SEMA5A: variants seen among roughly 807,000 people sequenced by gnomAD.
SEMA5A encodes semaphorin 5A.
Under a neutral mutation model 135.5 loss-of-function variants are expected in SEMA5A, and 55 were observed. That is an observed-to-expected ratio of 0.41 (90% CI 0.33 to 0.51). SEMA5A has a LOEUF of 0.51. Among genes scored for constraint, SEMA5A ranks in the 20% least tolerant of loss-of-function variants. SEMA5A has a pLI of 0.37. For missense variants in SEMA5A, 1,290 were observed against 1,419.9 expected, an observed-to-expected ratio of 0.91 and a Z score of 1.47; for synonymous variants, 580 against 546.5, an observed-to-expected ratio of 1.06 and a Z score of -0.85.
At chr5:9,140,874 C>T (rs562107000) in intron 12 of SEMA5A, among the ~76,000 whole-genome samples, 3 of 152,112 alleles carry the variant, frequency 2.0e-5, no homozygotes, top group East Asian at 1.9e-4. Flanking sequence ...GGGCTCCTCA[C>T]GTTTACCCCA....
In SEMA5A at chr5:9,477,113, TTCTCTC is replaced by T. The variant is rs145236684; in HGVS notation, c.-174-39267_-174-39262del. 2.3e-3 allele frequency among the ~76,000 whole-genome samples: 341 copies of T among 148,688 alleles called. 2 individuals carry two copies. The highest frequency in any genetic ancestry group is 8.2e-3 in the African/African-American group (333 of 40,734). ...AAAGTGTGATTCTTTCTCCTTCTCA[TTCTCTC>T]TCTCTCTCTCTCTCACCACCATGTA... On this transcript the variant is annotated intron_variant, in intron 1 of 22. Transcript: ENST00000382496.
intron 5 of SEMA5A, among the ~76,000 whole-genome samples, chr5:9,275,371 A>G (rs1198961079): frequency 6.6e-6 from 1 of 152,198 alleles, no homozygotes; most frequent in Non-Finnish European, 1.5e-5. Flanking sequence ...GTCCGGGACC[A>G]GATGGACTCC....
chr5:9,110,403 T>A (rs1234288427), intron 15 of SEMA5A, among the ~76,000 whole-genome samples: 1 of 152,074 alleles, frequency 6.6e-6, no homozygotes. Flanking sequence ...GAAGAGCCCA[T>A]AGAACAAACA....
chr5:9,257,597 T>TA (rs34130964), intron 5 of SEMA5A, among the ~76,000 whole-genome samples: 42,145 of 149,148 alleles, frequency 0.28, 6,781 homozygotes, highest in Non-Finnish European at 0.38. Flanking sequence ...TATTTTGCTC[T>TA]AAAAAAAAAA....
chr5:9,522,318 C>T (rs1168296456), intron 1 of SEMA5A, among the ~76,000 whole-genome samples: 2 of 152,190 alleles, frequency 1.3e-5, no homozygotes, highest in East Asian at 3.9e-4. Context: ...AACGGTGGCT[C>T]ACACCTGTAA....
chr5:9,311,138 T>G (rs947503264), intron 5 of SEMA5A, among the ~76,000 whole-genome samples: 3 of 80,548 alleles, frequency 3.7e-5, no homozygotes, highest in Non-Finnish European at 1.2e-4. Flanking sequence ...CAGGTAAATT[T>G]CGCTCAACGG....
chr5:9,247,473 C>G (rs1433982220), intron 5 of SEMA5A, among the ~76,000 whole-genome samples: 1 of 152,146 alleles, frequency 6.6e-6, no homozygotes, highest in Non-Finnish European at 1.5e-5. Flanking sequence ...TGATTACTTT[C>G]TCTAGAGTTC....
At chr5:9,269,680 G>T (rs1205425396) in intron 5 of SEMA5A, among the ~76,000 whole-genome samples, 1 of 152,052 alleles carries the variant, frequency 6.6e-6, no homozygotes, top group Non-Finnish European at 1.5e-5. Context: ...AATATAAAAT[G>T]TAAGATTATA....
At chr5:9,131,030 A>G (rs922548) in intron 13 of SEMA5A, among the ~76,000 whole-genome samples, 17,222 of 152,148 alleles carry the variant, frequency 0.11, 1,470 homozygotes, top group East Asian at 0.3. Context: ...ATTGAGGAGA[A>G]TCCTGTTATT....
chr5:9,283,095 A>AT (rs1432394245), intron 5 of SEMA5A, among the ~76,000 whole-genome samples: 1 of 152,210 alleles, frequency 6.6e-6, no homozygotes, highest in Admixed American at 6.5e-5. Flanking sequence ...TGAGTATAGG[A>AT]TAATTTGTTG....
chr5:9,328,016 A>T (rs1752954553), intron 4 of SEMA5A, among the ~76,000 whole-genome samples: 1 of 152,306 alleles, frequency 6.6e-6, no homozygotes, highest in African/African-American at 2.4e-5. Flanking sequence ...TTTCTAGGTT[A>T]TCTTCAGTAT....
intron 12 of SEMA5A, among the ~76,000 whole-genome samples, chr5:9,148,351 C>G (rs1038658004): frequency 6.6e-6 from 1 of 152,156 alleles, no homozygotes; most frequent in African/African-American, 2.4e-5. Context: ...CTAAACTTTT[C>G]CTGAAACACA....
intron 1 of SEMA5A, among the ~76,000 whole-genome samples, chr5:9,523,635 T>C (rs1736957897): frequency 1.3e-5 from 2 of 152,160 alleles, no homozygotes; most frequent in Admixed American, 6.5e-5. Context: ...CTGGGTGAAC[T>C]CTCTTTGTCA....
chr5:9,397,780 C>T (rs1283848028), intron 2 of SEMA5A, among the ~76,000 whole-genome samples: 3 of 152,234 alleles, frequency 2.0e-5, no homozygotes, highest in Non-Finnish European at 2.9e-5. Context: ...AGTAGCTTTA[C>T]TAATAAGTCC....
At chr5:9,496,494 G>A (rs1735308069) in intron 1 of SEMA5A, among the ~76,000 whole-genome samples, 1 of 152,108 alleles carries the variant, frequency 6.6e-6, no homozygotes, top group South Asian at 2.1e-4. Context: ...CTTCCACCTA[G>A]ACAGTCCACA....
chr5:9,109,880 C>T (rs1335432992), intron 15 of SEMA5A, among the ~76,000 whole-genome samples: 1 of 152,100 alleles, frequency 6.6e-6, no homozygotes, highest in Non-Finnish European at 1.5e-5. Flanking sequence ...TGGTAGCCAG[C>T]CACCAGGAAA....
intron 5 of SEMA5A, among the ~76,000 whole-genome samples, chr5:9,271,619 C>A (rs1182258091): frequency 3.3e-5 from 5 of 152,276 alleles, no homozygotes; most frequent in Middle Eastern, 3.4e-3. Context: ...GGAACTGCAG[C>A]TCCCAGCAAG....
intron 18 of SEMA5A, among the ~76,000 whole-genome samples, chr5:9,055,767 T>A (rs1736855387): frequency 6.6e-6 from 1 of 152,092 alleles, no homozygotes; most frequent in East Asian, 1.9e-4. Flanking sequence ...GTATTTTCCC[T>A]AAAAGTTATA....
At chr5:9,143,379 A>G (rs1294052887) in intron 12 of SEMA5A, among the ~76,000 whole-genome samples, 5 of 25,022 alleles carry the variant, frequency 2.0e-4, no homozygotes, top group Non-Finnish European at 5.8e-4. Context: ...AATACTTTTC[A>G]TGTATTAAAA....
Sources: allele counts gnomAD v4.1 joint callset (sites outside exome capture counted in the v4.1 genomes callset), GRCh38; gene constraint gnomAD v4.1.1; transcripts MANE v1.5; gene names NCBI Gene and HGNC (gene_info 2026-07-23, HGNC 2026-07-21).